Variants in CHSY3 observed in about 807,000 individuals in gnomAD.
CHSY3 encodes the protein chondroitin sulfate synthase 3.
In CHSY3, 35 loss-of-function variants were observed where a neutral mutation model predicts 67.2. That is an observed-to-expected ratio of 0.52 (90% CI 0.40 to 0.69). CHSY3 has a LOEUF of 0.69. Ranked by LOEUF, CHSY3 falls within the 30% of genes least tolerant of loss-of-function variation. CHSY3 has a pLI of 0.00. For synonymous variants in CHSY3, 474 were observed against 434.7 expected, an observed-to-expected ratio of 1.09 and a Z score of -1.12; for missense variants, 1,069 against 1,138.5, an observed-to-expected ratio of 0.94 and a Z score of 0.88.
At chr5:130,101,039 C>T (rs1338597466) in intron 2 of CHSY3, among the ~76,000 whole-genome samples, 2 of 152,156 alleles carry the variant, frequency 1.3e-5, no homozygotes, top group African/African-American at 4.8e-5. Context: ...TTAAACAGTC[C>T]CGCAAGTACT....
At chr5:130,039,252 C>A (rs1182341446) in intron 2 of CHSY3, among the ~76,000 whole-genome samples, 1 of 151,826 alleles carries the variant, frequency 6.6e-6, no homozygotes, top group Non-Finnish European at 1.5e-5. Flanking sequence ...TTTGGGAGAC[C>A]AAGGCACGAG....
chr5:130,073,728 C>T (rs1166861541), intron 2 of CHSY3, among the ~76,000 whole-genome samples: 2 of 152,092 alleles, frequency 1.3e-5, no homozygotes, highest in African/African-American at 2.4e-5. Context: ...ATTGGCTAAA[C>T]TTTATTGAAA....
At chr5:130,090,819 C>T (rs966193082) in intron 2 of CHSY3, among the ~76,000 whole-genome samples, 1 of 152,148 alleles carries the variant, frequency 6.6e-6, no homozygotes, top group Non-Finnish European at 1.5e-5. Flanking sequence ...AGTGCCTCCT[C>T]TTCTCAGATT....
At chr5:129,998,711 G>T (rs1168931453) in intron 2 of CHSY3, among the ~76,000 whole-genome samples, 1 of 151,914 alleles carries the variant, frequency 6.6e-6, no homozygotes, top group African/African-American at 2.4e-5. Context: ...CTAAGTAAAA[G>T]GCTTAAGATC....
chr5:129,909,443 A>C (rs1365900706), intron 2 of CHSY3, among the ~76,000 whole-genome samples: 1 of 152,028 alleles, frequency 6.6e-6, no homozygotes, highest in East Asian at 1.9e-4. Flanking sequence ...TTGTAAGTGT[A>C]GTCTCACTAT....
intron 2 of CHSY3, among the ~76,000 whole-genome samples, chr5:129,925,905 G>GTA (rs967685313): frequency 7.9e-5 from 12 of 151,262 alleles, no homozygotes; most frequent in Middle Eastern, 3.4e-3. Context: ...GTGTGTGCAT[G>GTA]TATATATATA....
chr5:130,143,766 G>GTATATATATATA (rs1768961914), intron 2 of CHSY3, among the ~76,000 whole-genome samples: 3 of 96,390 alleles, frequency 3.1e-5, no homozygotes, highest in Admixed American at 2.3e-4. Flanking sequence ...ATGTGTGTGT[G>GTATATATATATA]TGTATATATA....
chr5:130,086,466 G>C (rs1766630769), intron 2 of CHSY3, among the ~76,000 whole-genome samples: 1 of 151,968 alleles, frequency 6.6e-6, no homozygotes, highest in Non-Finnish European at 1.5e-5. Flanking sequence ...TTGCTTGGTA[G>C]ATCTTCCTCC....
intron 2 of CHSY3, among the ~76,000 whole-genome samples, chr5:129,919,076 C>T (rs1288110740): frequency 1.6e-5 from 2 of 122,986 alleles, no homozygotes; most frequent in African/African-American, 3.2e-5. Flanking sequence ...CACTGCAGTC[C>T]GCAGTCCGGC....
At chr5:129,942,850 G>A (rs1761738826) in intron 2 of CHSY3, among the ~76,000 whole-genome samples, 1 of 152,162 alleles carries the variant, frequency 6.6e-6, no homozygotes, top group Non-Finnish European at 1.5e-5. Context: ...GTTGCAAGTT[G>A]AGTAGTTAAT....
At chr5:130,055,645 A>C (rs955016926) in intron 2 of CHSY3, among the ~76,000 whole-genome samples, 3 of 152,112 alleles carry the variant, frequency 2.0e-5, no homozygotes, top group Non-Finnish European at 4.4e-5. Flanking sequence ...AGTAGTATAT[A>C]TATGTCCTCT....
At chr5:130,076,403 A>T (rs1218540109) in intron 2 of CHSY3, among the ~76,000 whole-genome samples, 1 of 151,274 alleles carries the variant, frequency 6.6e-6, no homozygotes, top group East Asian at 1.9e-4. Flanking sequence ...ATTATCTGAG[A>T]ATATACTTTT....
chr5:130,124,317 A>C (rs554968146), intron 2 of CHSY3, among the ~76,000 whole-genome samples: 1 of 152,026 alleles, frequency 6.6e-6, no homozygotes, highest in East Asian at 1.9e-4. Flanking sequence ...TCTGCCCCTG[A>C]ATCTTCTTCA....
intron 2 of CHSY3, among the ~76,000 whole-genome samples, chr5:130,120,349 G>C (rs1255846489): frequency 6.6e-6 from 1 of 151,784 alleles, no homozygotes; most frequent in East Asian, 1.9e-4. Context: ...AGCACGACTT[G>C]GACAGTTCCT....
At chr5:130,152,422 C>T (rs1357213229) in intron 2 of CHSY3, among the ~76,000 whole-genome samples, 4 of 152,186 alleles carry the variant, frequency 2.6e-5, no homozygotes, top group Admixed American at 6.5e-5. Flanking sequence ...TTTTGATCCT[C>T]TACTAACTTT....
At chr5:129,946,351 G>T (rs1761854948) in intron 2 of CHSY3, among the ~76,000 whole-genome samples, 1 of 152,042 alleles carries the variant, frequency 6.6e-6, no homozygotes, top group African/African-American at 2.4e-5. Flanking sequence ...CCAAAATTAG[G>T]CCAGGGCAAA....
chr5:129,932,103 C>CACATAT (rs1415452163), intron 2 of CHSY3, among the ~76,000 whole-genome samples: 1 of 115,026 alleles, frequency 8.7e-6, no homozygotes, highest in African/African-American at 3.8e-5. Flanking sequence ...ACCATAAAAC[C>CACATAT]ATATATATAT....
intron 2 of CHSY3, among the ~76,000 whole-genome samples, chr5:130,104,772 ATCCACTTAAG>A: frequency 6.6e-6 from 1 of 151,948 alleles, no homozygotes; most frequent in African/African-American, 2.4e-5. Context: ...ACTGTAATAG[ATCCACTTAAG>A]TCACTACAGA....
At chr5:130,078,937 G>A (rs1203096185) in intron 2 of CHSY3, among the ~76,000 whole-genome samples, 1 of 152,094 alleles carries the variant, frequency 6.6e-6, no homozygotes, top group African/African-American at 2.4e-5. Flanking sequence ...CCATCCCTCT[G>A]AGCTCACTTG....
Sources: allele counts gnomAD v4.1 joint callset (sites outside exome capture counted in the v4.1 genomes callset), GRCh38; gene constraint gnomAD v4.1.1; transcripts MANE v1.5; gene names NCBI Gene and HGNC (gene_info 2026-07-23, HGNC 2026-07-21).